DHRSX: variants seen among roughly 807,000 people sequenced by gnomAD.
The protein encoded by DHRSX is dehydrogenase/reductase X-linked.
DHRSX carries 31 observed loss-of-function variants against 34.0 expected under a neutral mutation model. That is an observed-to-expected ratio of 0.91 (90% CI 0.69 to 1.23). DHRSX has a LOEUF of 1.23. Among genes scored for constraint, DHRSX ranks in the 50% most tolerant of loss-of-function variants. DHRSX has a pLI of 0.00. For synonymous variants in DHRSX, 201 were observed against 183.8 expected (o/e 1.09, Z -0.76); for missense variants, 414 against 428.1 (o/e 0.97, Z 0.29).
At chrX:2,251,694 T>C (rs1311161325) in intron 5 of DHRSX, among the ~76,000 whole-genome samples, 1 of 152,170 alleles carries the variant, frequency 6.6e-6, no homozygotes, top group East Asian at 1.9e-4. Context: ...AGGAAATTAA[T>C]GTTCAAGTGC....
intron 2 of DHRSX, among the ~76,000 whole-genome samples, chrX:2,423,408 T>A (rs1486891214): frequency 2.0e-5 from 1 of 48,874 alleles, no homozygotes; most frequent in Admixed American, 2.1e-4. Context: ...CAAGATTCTG[T>A]CTCAAAAAAA....
chrX:2,431,198 G>T (rs1349950984), intron 1 of DHRSX, among the ~76,000 whole-genome samples: 5 of 151,786 alleles, frequency 3.3e-5, no homozygotes, highest in African/African-American at 1.2e-4. Flanking sequence ...GGTGGCGGGC[G>T]CCTGTAGTCC....
chrX:2,297,814 G>T (rs1248437491), intron 3 of DHRSX, among the ~76,000 whole-genome samples: 1 of 151,156 alleles, frequency 6.6e-6, no homozygotes, highest in Non-Finnish European at 1.5e-5. Context: ...GAATACAGCG[G>T]ACAGATCTTG....
intron 1 of DHRSX, among the ~76,000 whole-genome samples, chrX:2,440,999 G>A (rs765073150): frequency 2.2e-4 from 34 of 152,136 alleles, no homozygotes; most frequent in Non-Finnish European, 4.6e-4. Flanking sequence ...AGCTACAGAC[G>A]ACGCAGACGG....
intron 3 of DHRSX, among the ~76,000 whole-genome samples, chrX:2,315,191 G>A (rs778010885): frequency 2.6e-5 from 4 of 151,404 alleles, no homozygotes; most frequent in South Asian, 4.2e-4. Flanking sequence ...GGTCTTAAGC[G>A]TGAGCTGCCT....
At chrX:2,450,378 C>T (rs2044199837) in intron 1 of DHRSX, among the ~76,000 whole-genome samples, 1 of 152,074 alleles carries the variant, frequency 6.6e-6, no homozygotes, top group Admixed American at 6.6e-5. Context: ...AGGAGAATCG[C>T]TCGAACCCGG....
At chrX:2,341,816 T>C (rs1473064642) in intron 3 of DHRSX, among the ~76,000 whole-genome samples, 2 of 48,990 alleles carry the variant, frequency 4.1e-5, no homozygotes, top group Non-Finnish European at 1.1e-4. Context: ...TGTTTTGTTT[T>C]GTTTTTAAAT....
At chrX:2,284,123 GA>G (rs2041772770) in intron 4 of DHRSX, among the ~76,000 whole-genome samples, 2 of 151,314 alleles carry the variant, frequency 1.3e-5, no homozygotes, top group South Asian at 2.1e-4. Flanking sequence ...AATTCATTCA[GA>G]TTCACTCATT....
intron 6 of DHRSX, among the ~76,000 whole-genome samples, chrX:2,232,555 A>C (rs1206074108): frequency 6.6e-6 from 1 of 151,976 alleles, no homozygotes; most frequent in East Asian, 1.9e-4. Context: ...GGATCTTAGG[A>C]GGCCCAAGAA....
intron 1 of DHRSX, among the ~76,000 whole-genome samples, chrX:2,465,964 CCA>C (rs1249910741): frequency 6.6e-6 from 1 of 152,196 alleles, no homozygotes; most frequent in African/African-American, 2.4e-5. Context: ...TCGAATGACT[CCA>C]CAGTTTCCCA....
intron 6 of DHRSX, among the ~76,000 whole-genome samples, chrX:2,229,142 G>A (rs2015806001): frequency 6.6e-6 from 1 of 152,100 alleles, no homozygotes; most frequent in African/African-American, 2.4e-5. Flanking sequence ...GAGATCTGAG[G>A]GCACATGTAT....
chrX:2,493,119 C>A (rs1174085056), intron 1 of DHRSX, among the ~76,000 whole-genome samples: 1 of 152,186 alleles, frequency 6.6e-6, no homozygotes, highest in Non-Finnish European at 1.5e-5. Context: ...ATGCCAGCAC[C>A]CTGGTTTGTT....
At chrX:2,336,039 T>A (rs2042556706) in intron 3 of DHRSX, among the ~76,000 whole-genome samples, 1 of 151,938 alleles carries the variant, frequency 6.6e-6, no homozygotes, top group Non-Finnish European at 1.5e-5. Context: ...TGAGACAGAG[T>A]CTTGCTCTGG....
intron 3 of DHRSX, among the ~76,000 whole-genome samples, chrX:2,404,864 T>C (rs1213769065): frequency 6.6e-6 from 1 of 152,226 alleles, no homozygotes; most frequent in African/African-American, 2.4e-5. Context: ...CCTCGGTGTC[T>C]CTAATTCCTT....
At chrX:2,418,875 G>C (rs1354598419) in intron 2 of DHRSX, among the ~76,000 whole-genome samples, 2 of 152,268 alleles carry the variant, frequency 1.3e-5, no homozygotes, top group South Asian at 2.1e-4. Context: ...CAAAACCAAG[G>C]GTTGCCATCC....
chrX:2,333,116 C>A (rs1448391217), intron 3 of DHRSX, among the ~76,000 whole-genome samples: 1 of 152,132 alleles, frequency 6.6e-6, no homozygotes, highest in Non-Finnish European at 1.5e-5. Context: ...TCAAGCTTCC[C>A]ATTGGTGTCA....
intron 3 of DHRSX, among the ~76,000 whole-genome samples, chrX:2,319,229 TCTC>T (rs920380838): frequency 7.1e-5 from 4 of 56,598 alleles, no homozygotes; most frequent in Non-Finnish European, 1.0e-4. Flanking sequence ...CCCCCTCCCT[TCTC>T]CTCCTCCCCT....
intron 4 of DHRSX, among the ~76,000 whole-genome samples, chrX:2,274,451 C>T (rs2041597743): frequency 6.6e-6 from 1 of 151,176 alleles, no homozygotes. Flanking sequence ...GAGTCTCACT[C>T]TGTTGCCCAG....
chrX:2,256,671 CTG>C (rs2041284098), intron 5 of DHRSX, among the ~76,000 whole-genome samples: 1 of 152,060 alleles, frequency 6.6e-6, no homozygotes, highest in African/African-American at 2.4e-5. Context: ...TGTTACAACA[CTG>C]TGATTTATTC....
Sources: gnomAD v4.1 joint callset for allele counts (sites outside exome capture counted in the v4.1 genomes callset) on GRCh38, gnomAD v4.1.1 for gene constraint, MANE v1.5 for transcripts, NCBI Gene and HGNC (gene_info 2026-07-23, HGNC 2026-07-21) for gene names.